Variants in MDN1 observed in about 807,000 individuals in gnomAD.
The protein encoded by MDN1 is midasin AAA ATPase 1, also known as midasin.
In MDN1, 266 loss-of-function variants were observed where a neutral mutation model predicts 669.2. That is an observed-to-expected ratio of 0.40 (90% CI 0.36 to 0.44). The LOEUF is 0.44. Ranked by LOEUF, MDN1 falls within the 20% of genes least tolerant of loss-of-function variation. The probability of loss-of-function intolerance (pLI) is 1.00; values close to 1 mark genes in which losing one functional copy is unlikely to be tolerated. For synonymous variants in MDN1, 2,385 were observed against 2,457.1 expected (o/e 0.97, Z 0.87); for missense variants, 5,940 against 6,754.0 (o/e 0.88, Z 4.22).
At chr6:89,645,324 T>A (rs182420365) in intron 100 of MDN1, among the ~76,000 whole-genome samples, 167 bp from the exon 101 acceptor site, 1 of 152,340 alleles carries the variant, frequency 6.6e-6, no homozygotes, top group African/African-American at 2.4e-5. Context: ...GGACCTCTGA[T>A]GAGATCTATC....
rs115580966 is a variant in MDN1, at chr6:89,719,206, T to A, written c.5987A>T (p.Asp1996Val). ...DKKKVIAVFK[D>V]VFGSNSNPYM... Reference sequence around the variant, plus strand: ...TGGGTTGGAATTTGAACCAAACACATCCTTGAATACAGCAATGACCTAAAG... The same window carrying A: ...TGGGTTGGAATTTGAACCAAACACAACCTTGAATACAGCAATGACCTAAAG... The change falls in exon 41 of 102, where the codon GAT becomes GTT. Residue 1996 changes from aspartate (D) to valine (V), a missense_variant. By Grantham distance (152) the Asp-to-Val change is radical. Around this residue, in one of 5 missense-constraint regions of MDN1, gnomAD observed 2,292 missense variants for 2,638.3 expected, o/e 0.87. Transcript: ENST00000369393. 1.2e-6 allele frequency: 2 copies of A among 1,613,380 alleles called. No homozygotes were observed. The highest frequency in any genetic ancestry group is 1.7e-6 in the Non-Finnish European group (2 of 1,179,388).
chr6:89,696,026 G>A (rs1562103042), intron 60 of MDN1, 34 bp from the exon 61 acceptor site: 2 of 1,567,870 alleles, frequency 1.3e-6, no homozygotes, highest in Non-Finnish European at 1.7e-6. Flanking sequence ...TGAAAGGTTT[G>A]TACTGTATCA....
Position 89,662,697 on chromosome 6 carries a change from C to T in MDN1, c.14412+95G>A, listed in dbSNP as rs935403083. The stretch of plus-strand genomic sequence containing the variant: ...TAGAAAAAAGAGAACAAAACAAATA[C>T]AGAAAAAGAAGAGAAGTAAATGACA... On this transcript the variant is annotated intron_variant, in intron 86 of 101. Transcript: ENST00000369393. 13 of 1,342,762 alleles carry T rather than the reference C, an allele frequency of 9.7e-6. No homozygotes were observed. The Admixed American group carries it at 1.7e-4, about 18-fold the overall frequency. The allele number at this position is 1,342,762 out of a possible 1,614,324, so 83.2% of individuals were successfully genotyped here. A position where few individuals can be genotyped will look rare whatever the true frequency, so the allele number is the denominator to read the frequency against.
At chr6:89,805,536 C>T (rs1043060181) in intron 1 of MDN1, among the ~76,000 whole-genome samples, 2 of 152,036 alleles carry the variant, frequency 1.3e-5, no homozygotes, top group Non-Finnish European at 2.9e-5. Context: ...ACAGTTAAAG[C>T]CCTGTCTCCC....
intron 34 of MDN1, 150 bp from the exon 35 acceptor site, chr6:89,731,073 A>C (rs1412757495): frequency 3.2e-6 from 2 of 633,694 alleles, no homozygotes; most frequent in Non-Finnish European, 5.4e-6. Flanking sequence ...AGTCCTAAGA[A>C]AGAAGTCCAA....
At chr6:89,700,899 T>G (rs771637207) in intron 55 of MDN1, 43 bp from the exon 56 acceptor site, 1 of 1,574,546 alleles carries the variant, frequency 6.4e-7, no homozygotes, top group Admixed American at 1.8e-5. Flanking sequence ...AGAGCACAAA[T>G]GTGGTTTTCT....
intron 63 of MDN1, among the ~76,000 whole-genome samples, chr6:89,692,203 A>G (rs1812417205): frequency 6.6e-6 from 1 of 152,224 alleles, no homozygotes; most frequent in Admixed American, 6.5e-5. Flanking sequence ...ACTGGGAGAA[A>G]ACACATGTAG....
At chr6:89,744,837 G>C (rs527589196) in intron 29 of MDN1, among the ~76,000 whole-genome samples, 1 of 149,994 alleles carries the variant, frequency 6.7e-6, no homozygotes, top group Non-Finnish European at 1.5e-5. Flanking sequence ...GAGCCGTATC[G>C]CACCACTGCA....
In MDN1 at chr6:89,645,076, T is replaced by G; in HGVS notation, c.16541A>C (p.Gln5514Pro). ...AAAGATATTTGCATTCCGGGCAGCC[T>G]GAACTGCTGCCAGGACTCTTTCTTT... ...EGKERVLAAV[Q>P]AARNANIFVI... Residue 5514 changes from glutamine (Q) to proline (P), a missense_variant, in exon 101 of 102, where the codon CAG becomes CCG. This residue lies in a region of MDN1 where 2,280 missense variants were observed against 2,576.3 expected (regional missense o/e 0.88). Transcript: ENST00000369393. 1 of 1,612,256 alleles carries G rather than the reference T, an allele frequency of 6.2e-7. No individual in the cohort carries two copies. The highest frequency in any genetic ancestry group is 8.5e-7 in the Non-Finnish European group (1 of 1,178,406).
chr6:89,755,723 C>T (rs533753822), intron 20 of MDN1, among the ~76,000 whole-genome samples: 3 of 152,192 alleles, frequency 2.0e-5, no homozygotes, highest in African/African-American at 7.2e-5. Context: ...CTCATAGAAC[C>T]AATACTAGAA....
rs763722045 is a variant in MDN1 at position 89,661,399 on chromosome 6, C to A, written c.14713+32G>T. 4 of 1,602,924 alleles carry A rather than the reference C, an allele frequency of 2.5e-6. No homozygotes were observed. In the African/African-American group the frequency reaches 4.0e-5, roughly 16 times the overall value. ...CAATTACTGTTCACTAATGTGAGTT[C>A]TAACCGGTCTCTTTGTTTCTGAAAG... On this transcript the variant is annotated intron_variant, in intron 88 of 101. Transcript: ENST00000369393.
At chr6:89,711,058 A>C (rs1378215245) in intron 49 of MDN1, among the ~76,000 whole-genome samples, 1 of 152,252 alleles carries the variant, frequency 6.6e-6, no homozygotes, top group Non-Finnish European at 1.5e-5. Flanking sequence ...AATTCTCTAC[A>C]TATATTTAGA....
At chr6:89,707,295 C>A in intron 52 of MDN1, 66 bp downstream of exon 52, 1 of 1,211,010 alleles carries the variant, frequency 8.3e-7, no homozygotes, top group Admixed American at 1.7e-5. Context: ...GAATATGCCT[C>A]TCAACTTTAG....
chr6:89,668,234 A>G, intron 83 of MDN1, 83 bp from the exon 84 acceptor site: 1 of 1,504,730 alleles, frequency 6.6e-7, no homozygotes, highest in Admixed American at 1.9e-5. Flanking sequence ...CAGGAAAACA[A>G]TTTAAACACA....
intron 21 of MDN1, 113 bp downstream of exon 21, chr6:89,753,970 G>A: frequency 9.2e-7 from 1 of 1,089,264 alleles, no homozygotes. Flanking sequence ...GGTATTATGG[G>A]CTGATCTGAC....
intron 8 of MDN1, among the ~76,000 whole-genome samples, chr6:89,787,162 G>A (rs1438688473): frequency 1.3e-5 from 2 of 151,950 alleles, no homozygotes; most frequent in Non-Finnish European, 2.9e-5. Context: ...AGAAGTCAAT[G>A]TTAACTGAGG....
In MDN1 at chr6:89,648,110, A is replaced by G. The variant is rs764244628; in HGVS notation, c.16317T>C (p.His5439=). Residue 5439 remains histidine, a synonymous_variant, in exon 99 of 102, where the codon CAT becomes CAC. Transcript: ENST00000369393. ...GESVKLLHPF[H]EQFSDYSGSQ... The stretch of plus-strand genomic sequence containing the variant: ...ACCCAGAGTAATCACTGAACTGCTC[A>G]TGAAATGGGTGTAACAGCTTTACAG... 6 of 1,614,084 alleles carry G rather than the reference A, an allele frequency of 3.7e-6. No homozygotes were observed. The Admixed American group carries it at 6.7e-5, about 18-fold the overall frequency.
Position 89,702,032 on chromosome 6 carries a change from C to T in MDN1, c.8178G>A (p.Arg2726=), listed in dbSNP as rs987132082. The change falls in exon 54 of 102, where the codon CGG becomes CGA. Residue 2726 remains arginine (R), a synonymous_variant. Transcript: ENST00000369393. The part of the protein sequence containing the change: ...EILGSLRWRD[R]FWTVADTVKV... The stretch of plus-strand genomic sequence containing the variant: ...TTACTGTGTCGGCCACAGTCCAGAA[C>T]CGGTCCCGCCACCGCAGAGAACCTA... 1 of 1,611,020 alleles carries T rather than the reference C, an allele frequency of 6.2e-7. No individual in the cohort carries two copies. The highest frequency in any genetic ancestry group is 1.7e-4 in the Middle Eastern group (1 of 6,032).
chr6:89,706,303 G>A (rs1813508854), intron 52 of MDN1, 111 bp from the exon 53 acceptor site: 23 of 1,173,276 alleles, frequency 2.0e-5, no homozygotes, highest in Admixed American at 3.1e-5. Context: ...CCAGTACAAA[G>A]GTCAATTTTG....
Sources: allele counts gnomAD v4.1 joint callset (sites outside exome capture counted in the v4.1 genomes callset), GRCh38; gene constraint gnomAD v4.1.1; regional missense constraint gnomAD v4.1.1; transcripts MANE v1.5; gene names NCBI Gene and HGNC (gene_info 2026-07-23, HGNC 2026-07-21).